Variants in RNF6 observed in about 807,000 individuals in gnomAD.
RNF6 encodes ring finger protein 6.
In RNF6, 21 loss-of-function variants were observed where a neutral mutation model predicts 50.1. The observed-to-expected ratio is 0.42, with a 90% CI of 0.30 to 0.60. The LOEUF (loss-of-function observed/expected upper bound fraction) is 0.60. Ranked by LOEUF, RNF6 falls within the 20% of genes least tolerant of loss-of-function variation. The pLI is 0.20. For missense variants in RNF6, 698 were observed against 838.2 expected, an observed-to-expected ratio of 0.83 and a Z score of 2.07; for synonymous variants, 255 against 291.8, an observed-to-expected ratio of 0.87 and a Z score of 1.29.
chr13:26,139,481 G>C (rs187355419), intron 5 of RNF6, among the ~76,000 whole-genome samples: 2 of 152,084 alleles, frequency 1.3e-5, no homozygotes, highest in East Asian at 3.9e-4. Context: ...TTTTTCAGTA[G>C]CATTGACCAC....
At chr13:26,156,690 T>C (rs1871940773) in intron 5 of RNF6, among the ~76,000 whole-genome samples, 1 of 152,282 alleles carries the variant, frequency 6.6e-6, no homozygotes, top group South Asian at 2.1e-4. Flanking sequence ...AAACTGGAAC[T>C]AAATAACTGA....
intron 5 of RNF6, among the ~76,000 whole-genome samples, chr13:26,162,502 C>T (rs1872259931): frequency 6.6e-6 from 1 of 152,186 alleles, no homozygotes. Flanking sequence ...CCTGTGTCTC[C>T]TTTTTTGCTG....
chr13:26,144,480 C>A (rs1237966767), intron 5 of RNF6, among the ~76,000 whole-genome samples: 1 of 152,082 alleles, frequency 6.6e-6, no homozygotes, highest in Non-Finnish European at 1.5e-5. Flanking sequence ...TAGTCCCCAG[C>A]CATCCAGCCA....
intron 5 of RNF6, among the ~76,000 whole-genome samples, chr13:26,137,782 T>G (rs1449728255): frequency 6.6e-6 from 1 of 151,904 alleles, no homozygotes; most frequent in African/African-American, 2.4e-5. Flanking sequence ...TGGAGATAGA[T>G]CTACTGAAAT....
intron 5 of RNF6, among the ~76,000 whole-genome samples, chr13:26,173,448 G>T (rs1872797604): frequency 6.6e-6 from 1 of 152,104 alleles, no homozygotes; most frequent in Non-Finnish European, 1.5e-5. Context: ...ACCTAAGAGT[G>T]ATGTGAAAAT....
Position 26,215,330 on chromosome 13 carries a change from A to G in RNF6, c.552T>C (p.Asn184=). The change falls in exon 5 of 5, where the codon AAT becomes AAC. Residue 184 remains asparagine (N), a synonymous_variant. Coordinates refer to ENST00000381588, the MANE Select transcript of RNF6 (RefSeq NM_005977.4). ...CAGGACTAGTTGACCTTTGTTGCCTATTTGCAGTATGATCTCTGTTACTAT... is the reference window on the plus strand; with the variant it reads ...CAGGACTAGTTGACCTTTGTTGCCTGTTTGCAGTATGATCTCTGTTACTAT... ...LSDSNRDHTA[N]RQQRSTSPVA... 1 of 1,614,154 alleles carries G rather than the reference A, an allele frequency of 6.2e-7. No individual in the cohort carries two copies. Among genetic ancestry groups the G allele is most frequent in the Non-Finnish European group, 8.5e-7 (1 of 1,180,032 alleles).
intron 5 of RNF6, among the ~76,000 whole-genome samples, chr13:26,147,504 G>A (rs1036384435): frequency 6.6e-6 from 1 of 152,206 alleles, no homozygotes; most frequent in Non-Finnish European, 1.5e-5. Flanking sequence ...TGGGTGTGAA[G>A]AGGCTGCTTC....
Position 26,163,517 on chromosome 13 carries a change from T to C in RNF6, n.769-31066A>G, listed in dbSNP as rs138991755. On this transcript the variant is annotated intron_variant and non_coding_transcript_variant, in intron 5 of 5. Coordinates refer to the RNF6 transcript ENST00000468480. ...CTATACGTACCCTACCTGTAAGTAT[T>C]TACATCTAAGAATGAAGATATAGGT... Among the ~76,000 whole-genome samples, 558 of 152,316 alleles carry C rather than the reference T, an allele frequency of 3.7e-3. 5 individuals are homozygous for C. The highest frequency in any genetic ancestry group is 0.013 in the African/African-American group (537 of 41,560).
chr13:26,221,944 G>C (rs1425299931), intron 1 of RNF6, 59 bp downstream of exon 1: 18 of 152,582 alleles, frequency 1.2e-4, no homozygotes, highest in African/African-American at 4.3e-4. Context: ...AGGATGGCCT[G>C]CTTTCCCCGG....
At chr13:26,196,788 C>T (rs922119554) in intron 5 of RNF6, among the ~76,000 whole-genome samples, 1 of 151,732 alleles carries the variant, frequency 6.6e-6, no homozygotes, top group South Asian at 2.1e-4. Context: ...AGCAAGCCAC[C>T]AGAAATGTTA....
intron 5 of RNF6, among the ~76,000 whole-genome samples, chr13:26,184,757 ACATTTT>A (rs1008773548): frequency 1.3e-5 from 2 of 152,154 alleles, no homozygotes; most frequent in African/African-American, 2.4e-5. Context: ...GCCTCACCTT[ACATTTT>A]CTATGAGTGA....
chr13:26,146,070 G>A (rs903920785), intron 5 of RNF6, among the ~76,000 whole-genome samples: 11 of 152,288 alleles, frequency 7.2e-5, no homozygotes, highest in Non-Finnish European at 1.6e-4. Context: ...TGGAATCAGT[G>A]TCCATTCAGA....
chr13:26,209,008 C>T (rs1869214438), downstream of RNF6, among the ~76,000 whole-genome samples: 1 of 152,126 alleles, frequency 6.6e-6, no homozygotes, highest in South Asian at 2.1e-4. Flanking sequence ...CATGGCTATT[C>T]CTTTAGCAAA....
intron 5 of RNF6, among the ~76,000 whole-genome samples, chr13:26,167,350 T>G (rs898675831): frequency 4.0e-5 from 6 of 151,898 alleles, no homozygotes; most frequent in African/African-American, 7.3e-5. Flanking sequence ...TTAAACAAAT[T>G]TACAAGAAAA....
chr13:26,222,731 C>CAGCG (rs1870640606), upstream of RNF6: 2 of 152,322 alleles, frequency 1.3e-5, no homozygotes, highest in Admixed American at 1.3e-4. Flanking sequence ...CTGCAGCCTC[C>CAGCG]AGCGATCCTC....
chr13:26,209,040 T>C (rs1196922305), downstream of RNF6, among the ~76,000 whole-genome samples: 1 of 152,224 alleles, frequency 6.6e-6, no homozygotes. Context: ...ACAAGATTTC[T>C]GGCATTGGAT....
intron 5 of RNF6, among the ~76,000 whole-genome samples, chr13:26,136,916 A>T (rs1229550541): frequency 5.3e-5 from 8 of 152,208 alleles, no homozygotes; most frequent in Non-Finnish European, 1.2e-4. Flanking sequence ...GCTTTTATTC[A>T]AGAAAAACGG....
chr13:26,158,082 G>T (rs543236148), intron 5 of RNF6, among the ~76,000 whole-genome samples: 4 of 152,130 alleles, frequency 2.6e-5, no homozygotes, highest in Admixed American at 6.6e-5. Flanking sequence ...AACATGAATG[G>T]ATAGATGGAT....
rs1256917738 is a variant in RNF6, at chr13:26,213,099, A to G, written c.*725T>C. ...TTTCTGAATACTTTTTCAGTATTATATATTGCTTGCTGTCTAATAAGTTAG... is the reference window on the plus strand; with the variant it reads ...TTTCTGAATACTTTTTCAGTATTATGTATTGCTTGCTGTCTAATAAGTTAG... On this transcript the variant is annotated 3_prime_UTR_variant, in exon 5 of 5. Transcript: ENST00000381588. 2 of 152,286 alleles carry G rather than the reference A, an allele frequency of 1.3e-5. No individual in the cohort carries two copies. The highest frequency in any genetic ancestry group is 2.4e-5 in the African/African-American group (1 of 41,118). 9.4% of individuals were successfully genotyped at this position (152,286 alleles called of 1,614,324 possible). A position where few individuals can be genotyped will look rare whatever the true frequency, so the allele number is the denominator to read the frequency against.
Sources: gnomAD v4.1 joint callset for allele counts (sites outside exome capture counted in the v4.1 genomes callset) on GRCh38, gnomAD v4.1.1 for gene constraint, MANE v1.5 for transcripts, NCBI Gene and HGNC (gene_info 2026-07-23, HGNC 2026-07-21) for gene names.